The following RERE variants were observed in gnomAD, a reference collection of about 807,000 sequenced individuals.
RERE encodes arginine-glutamic acid dipeptide repeats protein.
Under a neutral mutation model 146.1 loss-of-function variants are expected in RERE, and 40 were observed. That is an observed-to-expected ratio of 0.27 (90% confidence interval 0.21 to 0.36). The LOEUF (loss-of-function observed/expected upper bound fraction) is 0.36. Ranked by LOEUF, RERE falls within the 10% of genes least tolerant of loss-of-function variation. The pLI, the probability that RERE is intolerant of heterozygous loss-of-function variation, is 1.00. For missense variants in RERE, 1,933 were observed against 2,138.7 expected (o/e 0.90, Z 1.90); for synonymous variants, 1,003 against 866.0 (o/e 1.16, Z -2.78).
intron 8 of RERE, among the ~76,000 whole-genome samples, chr1:8,500,134 C>CAAT (rs1033092738): frequency 6.6e-6 from 1 of 152,112 alleles, no homozygotes; most frequent in Non-Finnish European, 1.5e-5. Flanking sequence ...ATAATAACAA[C>CAAT]AATAATAATA....
chr1:8,488,763 A>G (rs1456032141), intron 10 of RERE, among the ~76,000 whole-genome samples: 1 of 152,198 alleles, frequency 6.6e-6, no homozygotes, highest in Non-Finnish European at 1.5e-5. Context: ...AAACATAAAA[A>G]AGCAGCTGAT....
chr1:8,377,803 A>C (rs1361031990), intron 12 of RERE, among the ~76,000 whole-genome samples: 1 of 152,162 alleles, frequency 6.6e-6, no homozygotes. Context: ...TGAGAGAGCG[A>C]GGCCTGCCGC....
intron 2 of RERE, among the ~76,000 whole-genome samples, chr1:8,653,388 C>A (rs929182704): frequency 2.6e-5 from 4 of 152,164 alleles, no homozygotes; most frequent in Non-Finnish European, 4.4e-5. Flanking sequence ...TTTCCTTATA[C>A]TGAAGTTATC....
chr1:8,451,685 C>T (rs769695929), intron 11 of RERE, among the ~76,000 whole-genome samples: 1 of 152,154 alleles, frequency 6.6e-6, no homozygotes, highest in Non-Finnish European at 1.5e-5. Context: ...TCACTAGGGG[C>T]ATAGTCCTGA....
At position 8,808,652 on chromosome 1, in the gene RERE, G is replaced by A. The variant is rs141503799; in HGVS notation, c.-145+8508C>T. On this transcript the variant is annotated intron_variant, in intron 1 of 22. Coordinates refer to ENST00000400908, the MANE Select transcript of RERE (RefSeq NM_001042681.2). ...GTTAATAAGCAGTGGGCTGCAGATT[G>A]AGTCTAGAGCTCTTAACAACTTTTC... 2.2e-3 allele frequency among the ~76,000 whole-genome samples: 332 copies of A among 152,274 alleles called. 1 individual carries two copies. The highest frequency in any genetic ancestry group is 7.8e-3 in the African/African-American group (323 of 41,534).
intron 12 of RERE, among the ~76,000 whole-genome samples, chr1:8,369,937 C>T (rs1294483568): frequency 6.6e-6 from 1 of 151,970 alleles, no homozygotes. Flanking sequence ...CTACAGGAGC[C>T]CGCCACCAGC....
intron 8 of RERE, among the ~76,000 whole-genome samples, chr1:8,498,692 T>C (rs1202520448): frequency 2.4e-5 from 3 of 124,556 alleles, no homozygotes; most frequent in African/African-American, 9.5e-5. Flanking sequence ...CAAGACTCCA[T>C]CTCAAAAAAA....
chr1:8,401,118 A>G lies in RERE; in HGVS notation c.1284+21609T>C, dbSNP rs186439985. On this transcript the variant is annotated intron_variant, in intron 12 of 22. Coordinates refer to ENST00000400908, the MANE Select transcript of RERE (RefSeq NM_001042681.2). ...AGTTATTCTTTTTTGCATTAAGCACATGTCCTGTCATTCCTAGTCTTCTAT... is the reference window on the plus strand; with the variant it reads ...AGTTATTCTTTTTTGCATTAAGCACGTGTCCTGTCATTCCTAGTCTTCTAT... Among the ~76,000 whole-genome samples the G allele has an allele frequency of 5.2e-4, 73 of 141,702 alleles. No homozygotes were observed. The East Asian group carries it at 7.8e-3, about 15-fold the overall frequency. 93.0% of individuals were successfully genotyped at this position (141,702 alleles called of 152,430 possible).
intron 1 of RERE, among the ~76,000 whole-genome samples, chr1:8,720,151 T>C (rs1244242251): frequency 6.6e-6 from 1 of 151,226 alleles, no homozygotes; most frequent in Non-Finnish European, 1.5e-5. Flanking sequence ...TGCACGCCTG[T>C]AGTGCCAGCT....
At position 8,508,642 on chromosome 1, in the gene RERE, G is replaced by A. The variant is rs149173444; in HGVS notation, c.864C>T (p.Val288=). Residue 288 remains valine (V), a synonymous_variant, in exon 8 of 23, where the codon GTC becomes GTT. Transcript: ENST00000400908. ...TGAACTTCACCTGATGACTAGGACC[G>A]ACACGAATCTCCCCCTGGGTACTGT... ...RLNSTQGEIR[V]GPSHQAKLPD... The A allele has an allele frequency of 1.6e-4, 257 of 1,612,936 alleles. No homozygotes were observed. Among genetic ancestry groups the A allele is most frequent in the Non-Finnish European group, 3.6e-5 (43 of 1,179,092 alleles).
chr1:8,741,710 C>A (rs1640313759), intron 1 of RERE, among the ~76,000 whole-genome samples: 1 of 152,198 alleles, frequency 6.6e-6, no homozygotes, highest in East Asian at 1.9e-4. Flanking sequence ...GTCAATTAAA[C>A]CTATTTCCTT....
At chr1:8,688,002 T>G (rs772209437) in intron 1 of RERE, among the ~76,000 whole-genome samples, 3 of 152,258 alleles carry the variant, frequency 2.0e-5, no homozygotes, top group Middle Eastern at 6.8e-3. Flanking sequence ...AATAATATGG[T>G]CCTGGTTGCA....
chr1:8,447,957 G>A (rs1644342768), intron 11 of RERE, among the ~76,000 whole-genome samples: 1 of 152,012 alleles, frequency 6.6e-6, no homozygotes, highest in Non-Finnish European at 1.5e-5. Context: ...ACTCACCACT[G>A]CTGCGGCTCT....
intron 5 of RERE, among the ~76,000 whole-genome samples, chr1:8,556,967 TAAG>T (rs1396242435): frequency 6.6e-6 from 1 of 151,780 alleles, no homozygotes; most frequent in African/African-American, 2.4e-5. Context: ...TTTCCATTGA[TAAG>T]AATATTTTTA....
intron 7 of RERE, among the ~76,000 whole-genome samples, chr1:8,532,124 G>T (rs187301880): frequency 6.6e-6 from 1 of 152,072 alleles, no homozygotes. Flanking sequence ...TGTCGAAGAG[G>T]CAACATATGC....
chr1:8,599,152 C>T (rs147090376), intron 4 of RERE, among the ~76,000 whole-genome samples: 1 of 152,312 alleles, frequency 6.6e-6, no homozygotes, highest in East Asian at 1.9e-4. Flanking sequence ...GGATGAGACA[C>T]AACAAGCACC....
intron 11 of RERE, among the ~76,000 whole-genome samples, chr1:8,455,069 T>C (rs1253135268): frequency 6.6e-6 from 1 of 152,074 alleles, no homozygotes; most frequent in Non-Finnish European, 1.5e-5. Context: ...AGGAGGTAAC[T>C]GTGCCTTCCC....
At chr1:8,571,108 A>G (rs1277013331) in intron 4 of RERE, among the ~76,000 whole-genome samples, 1 of 152,258 alleles carries the variant, frequency 6.6e-6, no homozygotes, top group African/African-American at 2.4e-5. Context: ...AGCTGAAAGC[A>G]TGCAGAAAAT....
At chr1:8,379,343 T>C (rs1369878035) in intron 12 of RERE, among the ~76,000 whole-genome samples, 3 of 152,058 alleles carry the variant, frequency 2.0e-5, no homozygotes, top group East Asian at 3.9e-4. Context: ...AGGAGGGTCA[T>C]GCAGCCCATA....
Sources: allele counts gnomAD v4.1 joint callset (sites outside exome capture counted in the v4.1 genomes callset), GRCh38; gene constraint gnomAD v4.1.1; transcripts MANE v1.5; gene names NCBI Gene and HGNC (gene_info 2026-07-23, HGNC 2026-07-21).